STARD13: variants seen among roughly 807,000 people sequenced by gnomAD.
STARD13 encodes StAR related lipid transfer domain containing 13.
In STARD13, 62 loss-of-function variants were observed where a neutral mutation model predicts 106.4. That is an observed-to-expected ratio of 0.58 (90% CI 0.48 to 0.72). STARD13 has a LOEUF of 0.72. Ranked by LOEUF, STARD13 falls within the 30% of genes least tolerant of loss-of-function variation. The pLI is 0.00. For synonymous variants in STARD13, 565 were observed against 553.0 expected, an observed-to-expected ratio of 1.02 and a Z score of -0.31; for missense variants, 1,387 against 1,424.0, an observed-to-expected ratio of 0.97 and a Z score of 0.42.
chr13:33,136,366 G>C (rs1488600674), intron 4 of STARD13, among the ~76,000 whole-genome samples: 1 of 152,208 alleles, frequency 6.6e-6, no homozygotes, highest in East Asian at 1.9e-4. Context: ...GCAGGAGGCA[G>C]TCAAATGCCT....
chr13:33,426,949 C>A, the STARD13 span, among the ~76,000 whole-genome samples: 5 of 152,228 alleles, frequency 3.3e-5, no homozygotes, highest in South Asian at 8.3e-4. Flanking sequence ...TTGTATTCAC[C>A]ATTAAAATGC....
the STARD13 span, among the ~76,000 whole-genome samples, chr13:33,539,590 G>C: frequency 6.6e-6 from 1 of 152,208 alleles, no homozygotes; most frequent in Non-Finnish European, 1.5e-5. Flanking sequence ...AAGATCGGCA[G>C]ATTTTTAATA....
At chr13:33,332,378 A>C (rs888694575) in intron 1 of STARD13, among the ~76,000 whole-genome samples, 13 of 152,044 alleles carry the variant, frequency 8.6e-5, no homozygotes, top group African/African-American at 2.4e-4. Flanking sequence ...CCCAACCCCC[A>C]GTTTGATGGT....
the STARD13 span, among the ~76,000 whole-genome samples, chr13:33,662,070 G>A: frequency 6.6e-6 from 1 of 151,932 alleles, no homozygotes; most frequent in Admixed American, 6.6e-5. Flanking sequence ...AGACCATCCT[G>A]GCTAACACGG....
chr13:33,560,514 T>TAC, the STARD13 span, among the ~76,000 whole-genome samples: 1 of 151,314 alleles, frequency 6.6e-6, no homozygotes, highest in Non-Finnish European at 1.5e-5. Context: ...ATCTAGACAG[T>TAC]ATACATAATC....
intron 1 of STARD13, among the ~76,000 whole-genome samples, chr13:33,318,204 T>C (rs1893415448): frequency 6.6e-6 from 1 of 152,194 alleles, no homozygotes; most frequent in Non-Finnish European, 1.5e-5. Flanking sequence ...ATTTTTATGA[T>C]CTACTCAGTT....
chr13:33,626,128 GAAACACAC>G, the STARD13 span, among the ~76,000 whole-genome samples: 116 of 152,172 alleles, frequency 7.6e-4, no homozygotes, highest in Non-Finnish European at 1.2e-3. Flanking sequence ...AGCTACATCA[GAAACACAC>G]ACACACACAT....
At chr13:33,236,144 C>T (rs1262482643) in intron 1 of STARD13, among the ~76,000 whole-genome samples, 1 of 152,086 alleles carries the variant, frequency 6.6e-6, no homozygotes, top group African/African-American at 2.4e-5. Flanking sequence ...ACCCGAAGTG[C>T]CTTTTGATTT....
chr13:33,111,008 C>G lies in STARD13; in HGVS notation c.2608-101G>C, dbSNP rs547720004. 4.8e-6 allele frequency: 5 copies of G among 1,034,530 alleles called. No individual in the cohort carries two copies. The Admixed American group carries it at 6.0e-5, about 12-fold the overall frequency. 64.1% of individuals were successfully genotyped at this position (1,034,530 alleles called of 1,614,324 possible). On this transcript the variant is annotated intron_variant, in intron 10 of 13. Transcript: ENST00000336934. ...TCACCCACAACCCGGCTCTGAGCCA[C>G]GGGCCGAGGGCCACACGGCCAGAGA... is the stretch of plus-strand genomic sequence containing the variant.
chr13:33,191,891 G>A (rs1248319188), intron 1 of STARD13, among the ~76,000 whole-genome samples: 1 of 152,234 alleles, frequency 6.6e-6, no homozygotes, highest in East Asian at 1.9e-4. Flanking sequence ...AAATAAAACT[G>A]CATTTTGCAA....
At chr13:33,379,937 A>G in the STARD13 span, among the ~76,000 whole-genome samples, 4 of 152,254 alleles carry the variant, frequency 2.6e-5, no homozygotes, top group African/African-American at 9.6e-5. Context: ...ATGAAAAATG[A>G]ATATGATAAG....
At chr13:33,264,650 T>TA (rs1474849002) in intron 1 of STARD13, among the ~76,000 whole-genome samples, 1 of 152,002 alleles carries the variant, frequency 6.6e-6, no homozygotes, top group African/African-American at 2.4e-5. Context: ...ACAAGAACAC[T>TA]AAGTGGGAGC....
the STARD13 span, among the ~76,000 whole-genome samples, chr13:33,532,755 A>G: frequency 6.8e-4 from 104 of 152,312 alleles, no homozygotes; most frequent in African/African-American, 2.4e-3. Context: ...TTGTTTATTT[A>G]TATCTCAAGT....
At chr13:33,479,521 T>C in the STARD13 span, among the ~76,000 whole-genome samples, 244 of 152,346 alleles carry the variant, frequency 1.6e-3, no homozygotes, top group African/African-American at 5.5e-3. Context: ...ATCCATGCAA[T>C]GGAGTGCTAA....
the STARD13 span, among the ~76,000 whole-genome samples, chr13:33,538,961 G>A: frequency 6.6e-6 from 1 of 152,052 alleles, no homozygotes; most frequent in Non-Finnish European, 1.5e-5. Context: ...AGTAGAGACG[G>A]GGTTTCACCG....
rs555476152 is a variant in STARD13 at position 33,105,262 on chromosome 13, C to T, written c.*331G>A. The T allele has an allele frequency of 4.1e-6, 1 of 243,846 alleles. No homozygotes were observed. The highest frequency in any genetic ancestry group is 7.9e-5 in the East Asian group (1 of 12,686). 15.1% of individuals were successfully genotyped at this position (243,846 alleles called of 1,614,324 possible). A position where few individuals can be genotyped will look rare whatever the true frequency, so the allele number is the denominator to read the frequency against. The stretch of plus-strand genomic sequence containing the variant: ...CACATATGTACATATGCTATACATA[C>T]ATTTATTTACAGTTAGGTATACGCT... On this transcript the variant is annotated 3_prime_UTR_variant, in exon 14 of 14. Coordinates refer to ENST00000336934, the MANE Select transcript of STARD13 (RefSeq NM_178006.4).
At chr13:33,429,930 G>C in the STARD13 span, among the ~76,000 whole-genome samples, 175 of 149,466 alleles carry the variant, frequency 1.2e-3, no homozygotes, top group Non-Finnish European at 1.6e-3. Flanking sequence ...TTTTTTTTGG[G>C]GGGGGGGGAC....
the STARD13 span, among the ~76,000 whole-genome samples, chr13:33,496,246 A>G: frequency 0.041 from 5,984 of 147,584 alleles, 374 homozygotes; most frequent in African/African-American, 0.14. Flanking sequence ...AAATTTTATA[A>G]TTTACATATG....
the STARD13 span, among the ~76,000 whole-genome samples, chr13:33,610,061 CATT>C: frequency 2.6e-5 from 4 of 152,004 alleles, no homozygotes; most frequent in African/African-American, 9.7e-5. Context: ...GCTAGATTTA[CATT>C]GATATTCACA....
Sources: gnomAD v4.1 joint callset for allele counts (sites outside exome capture counted in the v4.1 genomes callset) on GRCh38, gnomAD v4.1.1 for gene constraint, MANE v1.5 for transcripts, NCBI Gene and HGNC (gene_info 2026-07-23, HGNC 2026-07-21) for gene names.